OXNAD1: variants seen among roughly 807,000 people sequenced by gnomAD.
OXNAD1 encodes the protein oxidoreductase NAD binding domain containing 1.
Under a neutral mutation model 32.9 loss-of-function variants are expected in OXNAD1, and 34 were observed. The observed-to-expected ratio is 1.03, with a 90% confidence interval of 0.79 to 1.38. OXNAD1 has a LOEUF of 1.38. Ranked by LOEUF, OXNAD1 falls within the 40% of genes most tolerant of loss-of-function variation. The probability of loss-of-function intolerance (pLI) is 0.00; values close to 1 mark genes in which losing one functional copy is unlikely to be tolerated. For synonymous variants in OXNAD1, 134 were observed against 135.2 expected (o/e 0.99, Z 0.06); for missense variants, 407 against 379.4 (o/e 1.07, Z -0.60).
rs2064940200 is a variant in OXNAD1 at position 16,271,518 on chromosome 3, A to T, written c.120-141A>T. 1 of 679,598 alleles carries T rather than the reference A, an allele frequency of 1.5e-6. No homozygotes were observed. The highest frequency in any genetic ancestry group is 2.3e-6 in the Non-Finnish European group (1 of 436,388). The allele number at this position is 679,598 out of a possible 1,614,324, so 42.1% of individuals were successfully genotyped here. On this transcript the variant is annotated intron_variant, in intron 3 of 8. Coordinates refer to ENST00000285083, the MANE Select transcript of OXNAD1 (RefSeq NM_138381.5). This position sits in a 1 kb window ranked among gnomAD's most constrained non-coding sequence, Gnocchi z 4.6. ...CATGCCCGGCCAAAACTTTAGTTAG[A>T]CGGGCAGATACTCACTGGCCATTTT...
intron 5 of OXNAD1, among the ~76,000 whole-genome samples, chr3:16,291,215 G>A (rs1001705895): frequency 6.6e-6 from 1 of 152,104 alleles, no homozygotes. Context: ...GAGAGTTTTT[G>A]TTGCTTTTCT....
rs545226545 is a variant in OXNAD1 at position 16,348,840 on chromosome 3, T to G, written c.*31-336T>G. Among the ~76,000 whole-genome samples, 8 of 152,318 alleles carry G rather than the reference T, an allele frequency of 5.3e-5. No individual in the cohort carries two copies. The highest frequency in any genetic ancestry group is 1.9e-4 in the African/African-American group (8 of 41,560). On this transcript the variant is annotated intron_variant, in intron 9 of 9. Coordinates refer to the OXNAD1 transcript ENST00000606098. This position sits in a 1 kb window ranked among gnomAD's most constrained non-coding sequence, Gnocchi z 6.3. ...CCCACTGGGAAGCAGGAGGACTGGT[T>G]TTGGTCCAATAGCCCATCATCTCTG...
intron 5 of OXNAD1, among the ~76,000 whole-genome samples, chr3:16,291,170 CA>C (rs2066406035): frequency 6.6e-6 from 1 of 152,134 alleles, no homozygotes; most frequent in Non-Finnish European, 1.5e-5. Context: ...ACTCAGAGGC[CA>C]TATCGGCCTA....
chr3:16,266,454 A>G (rs921329564), intron 1 of OXNAD1, among the ~76,000 whole-genome samples: 3 of 151,942 alleles, frequency 2.0e-5, no homozygotes, highest in Non-Finnish European at 2.9e-5. Flanking sequence ...AAAATACACA[A>G]ATTAGCCAGG....
downstream of OXNAD1, among the ~76,000 whole-genome samples, chr3:16,310,176 GGATT>G (rs113589266): frequency 3.3e-5 from 5 of 152,290 alleles, no homozygotes; most frequent in African/African-American, 1.2e-4. Flanking sequence ...GACAGGGACT[GGATT>G]GATAGTTCCC....
rs2067242831 is a variant in OXNAD1, at chr3:16,302,347, T to G, written c.676-293T>G. Among the ~76,000 whole-genome samples the G allele has an allele frequency of 6.6e-6, 1 of 152,186 alleles. No individual in the cohort carries two copies. Among genetic ancestry groups the G allele is most frequent in the African/African-American group, 2.4e-5 (1 of 41,434 alleles). ...AACAGAAACAGTTAAAAGACACAAC[T>G]GTGGTCAGTGAAACTGCTGCTTAAT... On this transcript the variant is annotated intron_variant, in intron 7 of 8. Coordinates refer to ENST00000285083, the MANE Select transcript of OXNAD1 (RefSeq NM_138381.5). This position sits in a 1 kb window ranked among gnomAD's most constrained non-coding sequence, Gnocchi z 4.2.
downstream of OXNAD1, among the ~76,000 whole-genome samples, chr3:16,338,983 G>T (rs1296010184): frequency 6.6e-6 from 1 of 152,170 alleles, no homozygotes; most frequent in East Asian, 1.9e-4. This position sits in a 1 kb window ranked among gnomAD's most constrained non-coding sequence, Gnocchi z 5.3. Flanking sequence ...AGAGGTCTCT[G>T]AATAAAGGTT....
At chr3:16,341,525 A>ACT (rs1348800779), downstream of OXNAD1, among the ~76,000 whole-genome samples, 2 of 152,216 alleles carry the variant, frequency 1.3e-5, no homozygotes, top group Non-Finnish European at 2.9e-5. This position sits in a 1 kb window ranked among gnomAD's most constrained non-coding sequence, Gnocchi z 4.7. Context: ...TTACTAAGTG[A>ACT]AAGAAGCCAA....
Position 16,321,387 on chromosome 3 carries a change from A to G in OXNAD1, c.*31-15725A>G, listed in dbSNP as rs369882442. Among the ~76,000 whole-genome samples, 6 of 152,272 alleles carry G rather than the reference A, an allele frequency of 3.9e-5. No homozygotes were observed. The South Asian group carries it at 8.3e-4, about 21-fold the overall frequency. On this transcript the variant is annotated intron_variant, in intron 9 of 9. Coordinates refer to the OXNAD1 transcript ENST00000435829. The surrounding 1 kb of genome is among the most constrained non-coding windows in gnomAD (Gnocchi z 4.8). The stretch of plus-strand genomic sequence containing the variant: ...CAGGAGAATGAGGTGGGAAAGAACC[A>G]AGAGAAAAGCTGCTTCAGGGAGTGG...
At position 16,298,496 on chromosome 3, in the gene OXNAD1, GT is replaced by G. The variant is rs1203384014; in HGVS notation, c.433-3129del. 6.6e-6 allele frequency among the ~76,000 whole-genome samples: 1 copy of G among 152,148 alleles called. No individual in the cohort carries two copies. Among genetic ancestry groups the G allele is most frequent in the Non-Finnish European group, 1.5e-5 (1 of 68,026 alleles). On this transcript the variant is annotated intron_variant, in intron 6 of 8. Transcript: ENST00000285083. The surrounding 1 kb of genome is among the most constrained non-coding windows in gnomAD (Gnocchi z 5.1). ...TGCCTGAATGCACATCCTAATTGTAGTGCCTGCTCTACTCTGCCCAGTGGGA... is the reference window on the plus strand; with the variant it reads ...TGCCTGAATGCACATCCTAATTGTAGGCCTGCTCTACTCTGCCCAGTGGGA...
intron 9 of OXNAD1, among the ~76,000 whole-genome samples, chr3:16,313,354 C>T (rs1001992174): frequency 6.6e-6 from 1 of 151,966 alleles, no homozygotes; most frequent in Non-Finnish European, 1.5e-5. Context: ...CATGGTCCAT[C>T]TTGAACTGTG....
downstream of OXNAD1, among the ~76,000 whole-genome samples, chr3:16,308,023 CATTT>C (rs1337262099): frequency 6.6e-6 from 1 of 152,090 alleles, no homozygotes; most frequent in Non-Finnish European, 1.5e-5. This position sits in a 1 kb window ranked among gnomAD's most constrained non-coding sequence, Gnocchi z 4.4. Context: ...AGGATGATGT[CATTT>C]ATTGAGCATC....
At chr3:16,330,025 TAAAG>T (rs1343865485) in intron 9 of OXNAD1, among the ~76,000 whole-genome samples, 2 of 152,162 alleles carry the variant, frequency 1.3e-5, no homozygotes, top group African/African-American at 2.4e-5. Context: ...GTCACTCTCT[TAAAG>T]AAAAAATCAG....
In OXNAD1 at chr3:16,322,154, C is replaced by T. The variant is rs2069134322; in HGVS notation, c.*31-14958C>T. ...AGCGCTCTGCAGCCGATCCATCTTC[C>T]AGCTGGTGGCTGCCTGCTCCTGGTG... On this transcript the variant is annotated intron_variant, in intron 9 of 9. Transcript: ENST00000435829. The surrounding 1 kb of genome is among the most constrained non-coding windows in gnomAD (Gnocchi z 6.2). 6.6e-6 allele frequency among the ~76,000 whole-genome samples: 1 copy of T among 152,240 alleles called. No homozygotes were observed. Among genetic ancestry groups the T allele is most frequent in the Non-Finnish European group, 1.5e-5 (1 of 68,052 alleles).
chr3:16,332,231 CCTG>C (rs1294033399), intron 9 of OXNAD1, among the ~76,000 whole-genome samples: 2 of 151,782 alleles, frequency 1.3e-5, no homozygotes. Context: ...TTTTTCTGGA[CCTG>C]CTATTAATCA....
In OXNAD1 at chr3:16,277,851, A is replaced by G. The variant is rs532568427; in HGVS notation, c.183+6129A>G. 1.6e-4 allele frequency among the ~76,000 whole-genome samples: 24 copies of G among 152,350 alleles called. No homozygotes were observed. In the South Asian group the frequency reaches 5.0e-3, roughly 32 times the overall value. On this transcript the variant is annotated intron_variant, in intron 4 of 8. Transcript: ENST00000285083. The surrounding 1 kb of genome is among the most constrained non-coding windows in gnomAD (Gnocchi z 4.3). ...GAAACTGAACTCTGAATTGAATTAC[A>G]TTGGAATGTTTGTGTTCAAGTTTTA...
chr3:16,286,299 G>A (rs939440267), intron 4 of OXNAD1, 43 bp from the exon 5 acceptor site: 6 of 1,451,168 alleles, frequency 4.1e-6, no homozygotes, highest in Non-Finnish European at 5.8e-6. Context: ...CCCTTGTGCT[G>A]TGTACGCACT....
chr3:16,318,163 G>T (rs932445511), intron 9 of OXNAD1, among the ~76,000 whole-genome samples: 1 of 151,962 alleles, frequency 6.6e-6, no homozygotes, highest in African/African-American at 2.4e-5. Flanking sequence ...AAGACCACCC[G>T]AGAGCGAGCC....
rs919103075 is a variant in OXNAD1 at position 16,303,255 on chromosome 3, G to C, written c.785-153G>C. 6.6e-6 allele frequency among the ~76,000 whole-genome samples: 1 copy of C among 152,154 alleles called. No individual in the cohort carries two copies. The highest frequency in any genetic ancestry group is 2.4e-5 in the African/African-American group (1 of 41,440). On this transcript the variant is annotated intron_variant, in intron 8 of 8. Transcript: ENST00000285083. This position sits in a 1 kb window ranked among gnomAD's most constrained non-coding sequence, Gnocchi z 4.8. Reference sequence around the variant, plus strand: ...TGCACTCTGCTTGGGTCTGGGCCCAGATGCCAATAGGAGCCATACTGTGAA... The same window carrying C: ...TGCACTCTGCTTGGGTCTGGGCCCACATGCCAATAGGAGCCATACTGTGAA...
Sources: gnomAD v4.1 joint callset for allele counts (sites outside exome capture counted in the v4.1 genomes callset) on GRCh38, gnomAD v4.1.1 for gene constraint, Gnocchi (gnomAD v3.1) non-coding constraint, MANE v1.5 for transcripts, NCBI Gene and HGNC (gene_info 2026-07-23, HGNC 2026-07-21) for gene names.